The following OPCML variants were observed in gnomAD, a reference collection of about 807,000 sequenced individuals.
The protein encoded by OPCML is opioid binding protein/cell adhesion molecule like.
Under a neutral mutation model 37.8 loss-of-function variants are expected in OPCML, and 13 were observed. That is an observed-to-expected ratio of 0.34 (90% CI 0.22 to 0.55). The LOEUF (loss-of-function observed/expected upper bound fraction) is 0.55. OPCML is among the 20% of genes least tolerant of loss of function. The probability of loss-of-function intolerance (pLI) is 0.91; values close to 1 mark genes in which losing one functional copy is unlikely to be tolerated. For missense variants in OPCML, 341 were observed against 435.6 expected (o/e 0.78, Z 1.93); for synonymous variants, 176 against 168.8 (o/e 1.04, Z -0.33).
intron 1 of OPCML, among the ~76,000 whole-genome samples, chr11:133,259,249 C>T (rs574145281): frequency 1.3e-4 from 20 of 152,266 alleles, no homozygotes; most frequent in African/African-American, 4.8e-4. Flanking sequence ...AGGATGAGTT[C>T]TAACTACTCT....
intron 3 of OPCML, among the ~76,000 whole-genome samples, chr11:132,550,558 A>G (rs1231416813): frequency 2.0e-5 from 3 of 152,210 alleles, no homozygotes; most frequent in African/African-American, 4.8e-5. Context: ...CTGCAGAACC[A>G]TCAACCAACT....
chr11:133,207,831 T>C (rs911894873), intron 1 of OPCML, among the ~76,000 whole-genome samples: 8 of 152,134 alleles, frequency 5.3e-5, no homozygotes, highest in African/African-American at 1.4e-4. Flanking sequence ...GGACCAGACA[T>C]CCCTGTGGCA....
chr11:133,515,200 CAAG>C (rs1444571608), intron 1 of OPCML, among the ~76,000 whole-genome samples: 13 of 152,198 alleles, frequency 8.5e-5, no homozygotes, highest in Non-Finnish European at 1.8e-4. Flanking sequence ...TCCTGTAATA[CAAG>C]AAGAGAAGGC....
chr11:132,572,846 G>T (rs1479584820), intron 3 of OPCML, among the ~76,000 whole-genome samples: 1 of 151,860 alleles, frequency 6.6e-6, no homozygotes, highest in Non-Finnish European at 1.5e-5. Context: ...TGGGTAGTAT[G>T]GACATTTTAA....
At position 133,427,848 on chromosome 11, in the gene OPCML, G is replaced by A. The variant is rs182626570; in HGVS notation, c.61+104416C>T. Reference sequence around the variant, plus strand: ...AAATTCTGTCAAATTTCTTAGGAGCGTATACTCTCCATGAAAATATCTATG... The same window carrying A: ...AAATTCTGTCAAATTTCTTAGGAGCATATACTCTCCATGAAAATATCTATG... On this transcript the variant is annotated intron_variant, in intron 1 of 7. Transcript: ENST00000524381. Among the ~76,000 whole-genome samples the A allele has an allele frequency of 1.6e-3, 244 of 152,062 alleles. 1 individual carries two copies. The highest frequency in any genetic ancestry group is 5.3e-3 in the African/African-American group (219 of 41,504).
intron 1 of OPCML, among the ~76,000 whole-genome samples, chr11:133,526,478 A>G (rs1485821051): frequency 6.6e-6 from 1 of 152,166 alleles, no homozygotes; most frequent in Admixed American, 6.5e-5. Context: ...GGGGTGGTGA[A>G]GAAGAGAGGA....
chr11:132,600,311 C>A (rs1030451222), intron 3 of OPCML, among the ~76,000 whole-genome samples: 2 of 152,212 alleles, frequency 1.3e-5, no homozygotes, highest in East Asian at 1.9e-4. Context: ...TTTCGGCCAG[C>A]CTTCATCTTT....
At chr11:133,489,508 A>C (rs1947606746) in intron 1 of OPCML, among the ~76,000 whole-genome samples, 9 of 152,244 alleles carry the variant, frequency 5.9e-5, no homozygotes. Context: ...AGAGAAATGT[A>C]CATTAAAACA....
At chr11:132,629,184 G>A (rs1046624550) in intron 3 of OPCML, among the ~76,000 whole-genome samples, 12 of 152,098 alleles carry the variant, frequency 7.9e-5, no homozygotes, top group South Asian at 6.2e-4. Context: ...TTGGTCCTGC[G>A]TCATACGCTG....
rs146247409 is a variant in OPCML at position 132,697,549 on chromosome 11, C to A, written c.147-40230G>T. On this transcript the variant is annotated intron_variant, in intron 2 of 7. Coordinates refer to ENST00000524381, the MANE Select transcript of OPCML (RefSeq NM_001012393.5). Reference sequence around the variant, plus strand: ...ATGCAAAATTTTGTCTTCCTATGCCCGCTTTGTTTTACTTGGAATAATGCC... The same window carrying A: ...ATGCAAAATTTTGTCTTCCTATGCCAGCTTTGTTTTACTTGGAATAATGCC... Among the ~76,000 whole-genome samples, 500 of 152,130 alleles carry A rather than the reference C, an allele frequency of 3.3e-3. 6 individuals carry two copies. The East Asian group carries it at 0.053, about 16-fold the overall frequency.
At chr11:133,412,506 T>C (rs568160407) in intron 1 of OPCML, among the ~76,000 whole-genome samples, 1 of 152,318 alleles carries the variant, frequency 6.6e-6, no homozygotes, top group East Asian at 1.9e-4. Flanking sequence ...GTCCTCATCA[T>C]CAACCTCATG....
At chr11:133,371,993 T>C (rs1298678839) in intron 1 of OPCML, among the ~76,000 whole-genome samples, 2 of 151,460 alleles carry the variant, frequency 1.3e-5, no homozygotes, top group Non-Finnish European at 2.9e-5. Context: ...AGACAGAGAG[T>C]GGAATGATAG....
intron 2 of OPCML, among the ~76,000 whole-genome samples, chr11:132,686,340 A>G (rs1476098184): frequency 1.3e-5 from 2 of 152,238 alleles, no homozygotes; most frequent in Non-Finnish European, 2.9e-5. Flanking sequence ...TTTCTCAGTC[A>G]TAATTGGCTA....
intron 1 of OPCML, among the ~76,000 whole-genome samples, chr11:133,130,601 CT>C (rs1157318144): frequency 6.6e-6 from 1 of 152,012 alleles, no homozygotes; most frequent in East Asian, 1.9e-4. Flanking sequence ...ACTCTAAATT[CT>C]TTAATGGAAA....
intron 3 of OPCML, among the ~76,000 whole-genome samples, chr11:132,539,468 T>G (rs116127077): frequency 2.4e-4 from 36 of 152,316 alleles, no homozygotes; most frequent in African/African-American, 8.4e-4. Flanking sequence ...TTTCAATCTT[T>G]TTGTAACAGC....
At chr11:133,199,743 A>T (rs530956315) in intron 1 of OPCML, among the ~76,000 whole-genome samples, 1 of 152,328 alleles carries the variant, frequency 6.6e-6, no homozygotes, top group South Asian at 2.1e-4. Context: ...ATTAATGCTA[A>T]CTACCAACAC....
intron 1 of OPCML, among the ~76,000 whole-genome samples, chr11:132,992,968 C>T (rs879879581): frequency 2.6e-5 from 4 of 152,088 alleles, no homozygotes; most frequent in Non-Finnish European, 5.9e-5. Context: ...CTTTCATCTC[C>T]GTGTATGGGA....
chr11:132,736,123 C>A (rs1945247886), intron 2 of OPCML, among the ~76,000 whole-genome samples: 1 of 152,106 alleles, frequency 6.6e-6, no homozygotes. Flanking sequence ...TTGAATGGTA[C>A]AATTGACAGT....
At chr11:132,736,273 A>G (rs574576168) in intron 2 of OPCML, among the ~76,000 whole-genome samples, 2 of 152,326 alleles carry the variant, frequency 1.3e-5, no homozygotes, top group East Asian at 1.9e-4. Context: ...TCAAGGCTAT[A>G]TGGAAGGAAG....
Sources: allele counts gnomAD v4.1 joint callset (sites outside exome capture counted in the v4.1 genomes callset), GRCh38; gene constraint gnomAD v4.1.1; transcripts MANE v1.5; gene names NCBI Gene and HGNC (gene_info 2026-07-23, HGNC 2026-07-21).